Variants in TBL1XR1 observed in about 807,000 individuals in gnomAD.
TBL1XR1 encodes TBL1X/Y related 1.
TBL1XR1 carries 5 observed loss-of-function variants against 66.9 expected under a neutral mutation model. The observed-to-expected ratio is 0.07, with a 90% CI of 0.04 to 0.16. The LOEUF (loss-of-function observed/expected upper bound fraction) is 0.16, where lower values mean the gene tolerates loss of function less well. TBL1XR1 is among the 10% of genes least tolerant of loss of function. TBL1XR1 has a pLI of 1.00. For synonymous variants in TBL1XR1, 210 were observed against 206.0 expected (o/e 1.02, Z -0.17); for missense variants, 238 against 623.2 (o/e 0.38, Z 6.58).
chr3:177,101,832 T>A (rs1388585134), intron 1 of TBL1XR1, among the ~76,000 whole-genome samples: 2 of 152,174 alleles, frequency 1.3e-5, no homozygotes, highest in Non-Finnish European at 2.9e-5. Context: ...AATGAATGTA[T>A]CACCGGTGCT....
intron 1 of TBL1XR1, among the ~76,000 whole-genome samples, chr3:177,191,236 G>C (rs963340222): frequency 6.6e-6 from 1 of 152,160 alleles, no homozygotes; most frequent in African/African-American, 2.4e-5. Context: ...TTCTCCAGCA[G>C]GGGAACTGAC....
intron 2 of TBL1XR1, among the ~76,000 whole-genome samples, chr3:177,078,216 C>CT (rs1164938419): frequency 1.3e-5 from 2 of 152,142 alleles, no homozygotes; most frequent in African/African-American, 4.8e-5. Context: ...CAGCCTGTAT[C>CT]TTATAAGGCA....
intron 3 of TBL1XR1, among the ~76,000 whole-genome samples, chr3:177,063,882 T>C (rs1047191681): frequency 7.2e-5 from 11 of 152,110 alleles, no homozygotes; most frequent in Admixed American, 5.9e-4. Context: ...AGAAAACCCC[T>C]ACCCCCAAAA....
chr3:177,025,364 T>A lies in TBL1XR1; in HGVS notation c.*134A>T. The A allele has an allele frequency of 1.2e-6, 1 of 809,740 alleles. No individual in the cohort carries two copies. The highest frequency in any genetic ancestry group is 2.7e-5 in the Admixed American group (1 of 37,244). The allele number at this position is 809,740 out of a possible 1,614,324, so 50.2% of individuals were successfully genotyped here. A position where few individuals can be genotyped will look rare whatever the true frequency, so the allele number is the denominator to read the frequency against. On this transcript the variant is annotated 3_prime_UTR_variant, in exon 16 of 16. Transcript: ENST00000457928. ...CAATTTTGTTTATATACACTGTATG[T>A]ATATATTTCTTTTAGATTTGGCTGT...
At chr3:177,102,772 A>G (rs1560177700) in intron 1 of TBL1XR1, among the ~76,000 whole-genome samples, 2 of 152,112 alleles carry the variant, frequency 1.3e-5, no homozygotes, top group Non-Finnish European at 2.9e-5. Context: ...GGTTCTGCTC[A>G]CAAATCTTCC....
At chr3:177,068,758 T>A (rs992985885) in intron 2 of TBL1XR1, among the ~76,000 whole-genome samples, 1 of 152,154 alleles carries the variant, frequency 6.6e-6, no homozygotes, top group Non-Finnish European at 1.5e-5. Flanking sequence ...TGATCCTCGA[T>A]TACATAATTT....
chr3:177,094,433 CA>C (rs1445712605), intron 2 of TBL1XR1, among the ~76,000 whole-genome samples: 1 of 152,150 alleles, frequency 6.6e-6, no homozygotes, highest in East Asian at 1.9e-4. Flanking sequence ...AAAGAACTAA[CA>C]GTAGAACTAC....
chr3:177,081,735 C>A (rs554597076), intron 2 of TBL1XR1, among the ~76,000 whole-genome samples: 22 of 99,284 alleles, frequency 2.2e-4, no homozygotes, highest in Admixed American at 4.7e-4. Flanking sequence ...AAGGCAAGAC[C>A]CTGACTTCAA....
intron 2 of TBL1XR1, among the ~76,000 whole-genome samples, chr3:177,095,977 C>T (rs918161921): frequency 6.6e-6 from 1 of 152,134 alleles, no homozygotes; most frequent in African/African-American, 2.4e-5. Context: ...CAAAATATCA[C>T]ATGTACCCTA....
intron 2 of TBL1XR1, among the ~76,000 whole-genome samples, chr3:177,095,254 G>A (rs779255020): frequency 1.1e-4 from 16 of 151,932 alleles, no homozygotes; most frequent in South Asian, 2.1e-4. Context: ...AGGAGAGGGC[G>A]GGTGCTGTTT....
intron 2 of TBL1XR1, 64 bp from the exon 3 acceptor site, chr3:177,065,086 GTTGTAAAAACCAT>G: frequency 3.7e-6 from 4 of 1,075,108 alleles, no homozygotes; most frequent in Non-Finnish European, 5.0e-6. Flanking sequence ...TGTAAACAAT[GTTGTAAAAACCAT>G]TTGATTTTAT....
At chr3:177,152,543 C>T (rs1372206247) in intron 1 of TBL1XR1, among the ~76,000 whole-genome samples, 1 of 152,166 alleles carries the variant, frequency 6.6e-6, no homozygotes, top group Admixed American at 6.6e-5. Flanking sequence ...CCTCGGCCTC[C>T]CAAAATGCTG....
intron 2 of TBL1XR1, among the ~76,000 whole-genome samples, chr3:177,080,964 G>A (rs1013377470): frequency 6.6e-6 from 1 of 152,138 alleles, no homozygotes; most frequent in African/African-American, 2.4e-5. Flanking sequence ...ACCAGTAAAC[G>A]TATCTCTACA....
At chr3:177,067,141 A>G (rs1394022556) in intron 2 of TBL1XR1, among the ~76,000 whole-genome samples, 3 of 152,214 alleles carry the variant, frequency 2.0e-5, no homozygotes, top group Non-Finnish European at 4.4e-5. Context: ...AGGCACAGTC[A>G]ATTCTGAAGG....
chr3:177,103,637 T>C (rs911329200), intron 1 of TBL1XR1, among the ~76,000 whole-genome samples: 1 of 152,184 alleles, frequency 6.6e-6, no homozygotes, highest in East Asian at 1.9e-4. Flanking sequence ...ATTTAATTTA[T>C]AGATAACTTT....
intron 1 of TBL1XR1, among the ~76,000 whole-genome samples, chr3:177,193,415 A>T (rs769968162): frequency 2.0e-5 from 3 of 151,764 alleles, no homozygotes; most frequent in Non-Finnish European, 4.4e-5. Flanking sequence ...GGTTCAAGCG[A>T]TTCTCCCACC....
At chr3:177,149,755 A>G (rs1730670197) in intron 1 of TBL1XR1, among the ~76,000 whole-genome samples, 1 of 152,196 alleles carries the variant, frequency 6.6e-6, no homozygotes, top group Admixed American at 6.5e-5. Context: ...TGAAAATCAT[A>G]CAAACTTCAA....
At chr3:177,149,131 A>AT (rs1180174508) in intron 1 of TBL1XR1, among the ~76,000 whole-genome samples, 1 of 152,208 alleles carries the variant, frequency 6.6e-6, no homozygotes, top group Non-Finnish European at 1.5e-5. Flanking sequence ...GCTTTTGATG[A>AT]TGGCAACAGC....
At chr3:177,170,089 T>C (rs1577372113) in intron 1 of TBL1XR1, among the ~76,000 whole-genome samples, 1 of 152,228 alleles carries the variant, frequency 6.6e-6, no homozygotes, top group East Asian at 1.9e-4. Context: ...TAGTTAAGAC[T>C]TTCACTTCTC....
Sources: allele counts gnomAD v4.1 joint callset (sites outside exome capture counted in the v4.1 genomes callset), GRCh38; gene constraint gnomAD v4.1.1; transcripts MANE v1.5; gene names NCBI Gene and HGNC (gene_info 2026-07-23, HGNC 2026-07-21).